GLYATL3: variants seen among roughly 807,000 people sequenced by gnomAD.
GLYATL3 encodes the protein glycine-N-acyltransferase like 3.
Under a neutral mutation model 28.5 loss-of-function variants are expected in GLYATL3, and 31 were observed. The ratio of observed to expected loss-of-function variants is 1.09; its 90% confidence interval spans 0.82 to 1.47. The LOEUF (loss-of-function observed/expected upper bound fraction) is 1.47, where lower values mean the gene tolerates loss of function less well. Ranked by LOEUF, GLYATL3 falls within the 40% of genes most tolerant of loss-of-function variation. The pLI is 0.00. For missense variants in GLYATL3, 369 were observed against 351.5 expected (o/e 1.05, Z -0.40); for synonymous variants, 141 against 140.2 (o/e 1.01, Z -0.04).
intron 1 of GLYATL3, among the ~76,000 whole-genome samples, chr6:49,504,825 T>TTTG (rs1360326559): frequency 6.6e-6 from 1 of 152,154 alleles, no homozygotes; most frequent in Non-Finnish European, 1.5e-5. Flanking sequence ...AAAACATATG[T>TTTG]TTTTTAACAT....
At chr6:49,517,692 C>T in intron 4 of GLYATL3, 136 bp downstream of exon 4, 1 of 546,214 alleles carries the variant, frequency 1.8e-6, no homozygotes, top group Non-Finnish European at 3.0e-6. Context: ...AATACATACA[C>T]ATACATTTTA....
intron 5 of GLYATL3, among the ~76,000 whole-genome samples, chr6:49,524,474 GCT>G (rs1769367905): frequency 6.6e-6 from 1 of 152,084 alleles, no homozygotes; most frequent in African/African-American, 2.4e-5. Context: ...AGCCTCATAG[GCT>G]TTCAACTAAG....
intron 3 of GLYATL3, among the ~76,000 whole-genome samples, chr6:49,516,870 A>C (rs914210946): frequency 2.6e-5 from 4 of 151,900 alleles, no homozygotes; most frequent in Non-Finnish European, 5.9e-5. Flanking sequence ...GAATCAAGAA[A>C]AAATCAGCTG....
At chr6:49,501,052 A>G (rs1348800732) in intron 1 of GLYATL3, among the ~76,000 whole-genome samples, 1 of 152,194 alleles carries the variant, frequency 6.6e-6, no homozygotes, top group Non-Finnish European at 1.5e-5. Context: ...TGTGAGTTGC[A>G]TGAGTATAGT....
chr6:49,517,444 CCT>C lies in GLYATL3; in HGVS notation c.202_203del (p.Leu68Ter). 1 of 1,543,278 alleles carries C rather than the reference CCT, an allele frequency of 6.5e-7. No individual in the cohort carries two copies. The highest frequency in any genetic ancestry group is 8.7e-7 in the Non-Finnish European group (1 of 1,142,984). ...RRQREAETDNLDHYTNAYAVF... is the reference protein window; with the variant it reads ...RRQREAETDNXDHYTNAYAVF... The stretch of plus-strand genomic sequence containing the variant: ...TTCTGTCCTAGGCTGAGACAGATAA[CCT>C]TGATCATTATACTAATGCCTATGCT... On this transcript the variant is annotated frameshift_variant, in exon 4 of 6. Coordinates refer to ENST00000371197, the MANE Select transcript of GLYATL3 (RefSeq NM_001010904.2). LOFTEE classifies it high-confidence loss of function.
chr6:49,515,926 CCCT>C, intron 3 of GLYATL3, among the ~76,000 whole-genome samples, 166 bp downstream of exon 3: 1 of 128,064 alleles, frequency 7.8e-6, no homozygotes, highest in African/African-American at 2.9e-5. Context: ...CTCCCTCCCT[CCCT>C]CCCCTCCCTC....
chr6:49,513,874 G>A (rs1029252971), intron 2 of GLYATL3, among the ~76,000 whole-genome samples: 9 of 152,170 alleles, frequency 5.9e-5, no homozygotes, highest in African/African-American at 1.9e-4. Context: ...GAAAGCAGAG[G>A]CAGTAGGTTC....
At chr6:49,508,832 G>T (rs936128412) in intron 1 of GLYATL3, among the ~76,000 whole-genome samples, 2 of 151,994 alleles carry the variant, frequency 1.3e-5, no homozygotes, top group Non-Finnish European at 2.9e-5. Flanking sequence ...GTTTCAGGGG[G>T]TCTGCCTACA....
intron 4 of GLYATL3, among the ~76,000 whole-genome samples, chr6:49,518,397 C>T (rs1581871225): frequency 6.6e-6 from 1 of 152,158 alleles, no homozygotes; most frequent in Non-Finnish European, 1.5e-5. Context: ...CTTACTCTTC[C>T]AGCTTTTCAT....
At chr6:49,508,010 C>T (rs9463492) in intron 1 of GLYATL3, among the ~76,000 whole-genome samples, 93,975 of 151,916 alleles carry the variant, frequency 0.62, 31,009 homozygotes, top group Non-Finnish European at 0.76. Flanking sequence ...TACAATATAG[C>T]GTGTGCATCA....
chr6:49,508,298 A>G (rs1052389759), intron 1 of GLYATL3, among the ~76,000 whole-genome samples: 2 of 152,282 alleles, frequency 1.3e-5, no homozygotes, highest in African/African-American at 4.8e-5. Flanking sequence ...TCCCTCTCAA[A>G]CAACAATAAC....
chr6:49,525,560 C>CAAAAAAA (rs56711143), intron 5 of GLYATL3, among the ~76,000 whole-genome samples: 12 of 66,594 alleles, frequency 1.8e-4, no homozygotes, highest in African/African-American at 7.2e-4. Context: ...GCAAGGCTCT[C>CAAAAAAA]AAAAAAAAAA....
At chr6:49,519,777 A>T (rs1395052734) in intron 4 of GLYATL3, among the ~76,000 whole-genome samples, 1 of 152,236 alleles carries the variant, frequency 6.6e-6, no homozygotes, top group East Asian at 1.9e-4. Flanking sequence ...GAACAATATT[A>T]AATCATGTTT....
intron 1 of GLYATL3, among the ~76,000 whole-genome samples, chr6:49,503,685 A>C (rs1369137822): frequency 6.6e-6 from 1 of 152,228 alleles, no homozygotes; most frequent in Non-Finnish European, 1.5e-5. Flanking sequence ...TTTGAAGACA[A>C]GTTGATAGGA....
intron 3 of GLYATL3, 91 bp from the exon 4 acceptor site, chr6:49,517,339 G>C (rs747057388): frequency 6.1e-6 from 7 of 1,145,082 alleles, no homozygotes; most frequent in Non-Finnish European, 8.2e-6. Context: ...AAATTAGCTA[G>C]ACATGTCCAG....
intron 5 of GLYATL3, among the ~76,000 whole-genome samples, chr6:49,525,560 C>CAAAAAAAA (rs56711143): frequency 2.1e-4 from 14 of 66,592 alleles, no homozygotes; most frequent in African/African-American, 9.2e-4. Context: ...GCAAGGCTCT[C>CAAAAAAAA]AAAAAAAAAA....
intron 1 of GLYATL3, among the ~76,000 whole-genome samples, chr6:49,504,030 TAAG>T (rs1385397750): frequency 2.6e-5 from 4 of 152,052 alleles, no homozygotes; most frequent in Admixed American, 6.6e-5. Context: ...ATGGCTCGAA[TAAG>T]AAGAAGAAAA....
intron 4 of GLYATL3, among the ~76,000 whole-genome samples, chr6:49,519,736 C>T (rs1258092764): frequency 6.6e-6 from 1 of 152,166 alleles, no homozygotes; most frequent in Non-Finnish European, 1.5e-5. Flanking sequence ...ATAGGAATGC[C>T]TTTGTCATTT....
intron 1 of GLYATL3, among the ~76,000 whole-genome samples, chr6:49,504,128 A>T (rs1440609444): frequency 1.3e-5 from 2 of 152,142 alleles, no homozygotes; most frequent in Non-Finnish European, 2.9e-5. Context: ...GAGGAGGCAG[A>T]GGTTGAGCCA....
Sources: allele counts gnomAD v4.1 joint callset (sites outside exome capture counted in the v4.1 genomes callset), GRCh38; gene constraint gnomAD v4.1.1; transcripts MANE v1.5; gene names NCBI Gene and HGNC (gene_info 2026-07-23, HGNC 2026-07-21).